Variants in EDIL3 observed in about 807,000 individuals in gnomAD.
EDIL3 encodes EGF-like repeat and discoidin I-like domain-containing protein 3.
EDIL3 carries 37 observed loss-of-function variants against 67.4 expected under a neutral mutation model. That is an observed-to-expected ratio of 0.55 (90% CI 0.42 to 0.72). The LOEUF is 0.72. Among genes scored for constraint, EDIL3 ranks in the 30% least tolerant of loss-of-function variants. The pLI is 0.00. For missense variants in EDIL3, 527 were observed against 586.3 expected, an observed-to-expected ratio of 0.90 and a Z score of 1.04; for synonymous variants, 195 against 196.3, an observed-to-expected ratio of 0.99 and a Z score of 0.05.
At chr5:84,224,554 A>G (rs931099901) in intron 3 of EDIL3, among the ~76,000 whole-genome samples, 1 of 151,560 alleles carries the variant, frequency 6.6e-6, no homozygotes, top group Non-Finnish European at 1.5e-5. Flanking sequence ...TTTGTGCAAC[A>G]TAAGGAAAGC....
At chr5:84,298,502 A>G (rs1269689444) in intron 1 of EDIL3, among the ~76,000 whole-genome samples, 4 of 152,148 alleles carry the variant, frequency 2.6e-5, no homozygotes, top group Non-Finnish European at 4.4e-5. Flanking sequence ...CATCAGGAAA[A>G]ACAGCTAATG....
At chr5:84,252,848 A>C (rs1239953760) in intron 2 of EDIL3, among the ~76,000 whole-genome samples, 3 of 152,174 alleles carry the variant, frequency 2.0e-5, no homozygotes, top group Admixed American at 2.0e-4. Context: ...CACTGTGTCA[A>C]ACCTCCTAAA....
intron 3 of EDIL3, among the ~76,000 whole-genome samples, chr5:84,207,782 A>G (rs1744016720): frequency 6.6e-6 from 1 of 152,076 alleles, no homozygotes; most frequent in Non-Finnish European, 1.5e-5. Context: ...ACCTGAAAAA[A>G]ACAAGCAATG....
intron 1 of EDIL3, among the ~76,000 whole-genome samples, chr5:84,281,855 C>CTTTTTTTTTTTT (rs10708663): frequency 2.8e-5 from 2 of 72,580 alleles, no homozygotes; most frequent in Non-Finnish European, 2.4e-5. Context: ...TTTTATTTCA[C>CTTTTTTTTTTTT]TTTTTTTTTT....
At chr5:84,328,736 G>A (rs1344911908) in intron 1 of EDIL3, among the ~76,000 whole-genome samples, 1 of 152,016 alleles carries the variant, frequency 6.6e-6, no homozygotes, top group Non-Finnish European at 1.5e-5. Context: ...TAAAAGAAGT[G>A]CAGTTCCCTA....
intron 6 of EDIL3, among the ~76,000 whole-genome samples, chr5:84,089,470 G>A (rs186422590): frequency 2.2e-4 from 34 of 152,238 alleles, no homozygotes; most frequent in Non-Finnish European, 4.6e-4. Flanking sequence ...CTGCCTCCAG[G>A]CAGTTAGCTG....
At chr5:84,083,598 A>AT (rs886409714) in intron 6 of EDIL3, among the ~76,000 whole-genome samples, 273 of 146,198 alleles carry the variant, frequency 1.9e-3, no homozygotes, top group East Asian at 0.01. Flanking sequence ...AACCTTGGGC[A>AT]TTTTTTTTTT....
At chr5:84,162,721 T>C (rs1748635901) in intron 4 of EDIL3, among the ~76,000 whole-genome samples, 1 of 152,092 alleles carries the variant, frequency 6.6e-6, no homozygotes, top group Non-Finnish European at 1.5e-5. Flanking sequence ...TTTTGAGAAG[T>C]CCACATCTGG....
intron 5 of EDIL3, among the ~76,000 whole-genome samples, chr5:84,134,925 C>A: frequency 6.6e-6 from 1 of 152,074 alleles, no homozygotes; most frequent in East Asian, 1.9e-4. Context: ...AATGTTGTAT[C>A]AATATAAAGT....
Position 83,942,550 on chromosome 5 carries a change from A to T in EDIL3, c.*869T>A, listed in dbSNP as rs948530816. 2 of 152,190 alleles carry T rather than the reference A, an allele frequency of 1.3e-5. No homozygotes were observed. The highest frequency in any genetic ancestry group is 1.9e-4 in the East Asian group (1 of 5,170). The allele number at this position is 152,190 out of a possible 1,614,324, so 9.4% of individuals were successfully genotyped here. ...AAGATTTAAATTTAAAGAGACATAT[A>T]TATTTTTTGTTCTTTTGTGCAAACT... On this transcript the variant is annotated 3_prime_UTR_variant, in exon 11 of 11. Transcript: ENST00000296591.
At chr5:84,276,009 A>G (rs992733078) in intron 1 of EDIL3, among the ~76,000 whole-genome samples, 2 of 152,176 alleles carry the variant, frequency 1.3e-5, no homozygotes, top group Non-Finnish European at 2.9e-5. Context: ...TTTTCATTGC[A>G]TGACTATTCA....
intron 10 of EDIL3, among the ~76,000 whole-genome samples, chr5:83,946,634 A>G (rs1385635092): frequency 6.6e-6 from 1 of 151,918 alleles, no homozygotes; most frequent in African/African-American, 2.4e-5. Context: ...TACATTTTTT[A>G]TAAGACGAGC....
intron 9 of EDIL3, among the ~76,000 whole-genome samples, chr5:84,046,536 A>T (rs1462503174): frequency 1.3e-5 from 2 of 152,206 alleles, no homozygotes; most frequent in African/African-American, 2.4e-5. Flanking sequence ...TATAAAGCAA[A>T]CATAACTTAG....
chr5:84,214,217 A>G (rs1238600708), intron 3 of EDIL3, among the ~76,000 whole-genome samples: 1 of 152,214 alleles, frequency 6.6e-6, no homozygotes, highest in Non-Finnish European at 1.5e-5. Context: ...ACTGCAACAA[A>G]AACAGAAAAA....
At chr5:84,238,469 AT>A (rs1192306499) in intron 2 of EDIL3, among the ~76,000 whole-genome samples, 1 of 151,998 alleles carries the variant, frequency 6.6e-6, no homozygotes, top group Non-Finnish European at 1.5e-5. Context: ...TGTACGTGTC[AT>A]TTTGGTCAGG....
chr5:84,086,255 C>T (rs934040259), intron 6 of EDIL3, among the ~76,000 whole-genome samples: 4 of 152,160 alleles, frequency 2.6e-5, no homozygotes, highest in Admixed American at 6.5e-5. Flanking sequence ...CCCAAACAGC[C>T]GCTCAGTTGT....
chr5:84,297,177 G>GAAAAAAAAA (rs61365875), intron 1 of EDIL3, among the ~76,000 whole-genome samples: 2 of 63,230 alleles, frequency 3.2e-5, no homozygotes, highest in Non-Finnish European at 5.5e-5. Context: ...GCAAGACTCC[G>GAAAAAAAAA]AAAAAAAAAA....
At chr5:83,976,687 T>A (rs929136697) in intron 9 of EDIL3, among the ~76,000 whole-genome samples, 2 of 151,826 alleles carry the variant, frequency 1.3e-5, no homozygotes, top group Non-Finnish European at 2.9e-5. Context: ...AATACCTATG[T>A]TAACCCTGTT....
chr5:84,362,869 AAAT>A (rs1430303860), intron 1 of EDIL3, among the ~76,000 whole-genome samples: 4 of 152,178 alleles, frequency 2.6e-5, no homozygotes, highest in Admixed American at 6.6e-5. Flanking sequence ...ACTTGCTTAG[AAAT>A]AATAATAAAA....
Sources: gnomAD v4.1 joint callset for allele counts (sites outside exome capture counted in the v4.1 genomes callset) on GRCh38, gnomAD v4.1.1 for gene constraint, MANE v1.5 for transcripts, NCBI Gene and HGNC (gene_info 2026-07-23, HGNC 2026-07-21) for gene names.